Variants in DDHD2 observed in about 807,000 individuals in gnomAD.
DDHD2 encodes DDHD domain containing 2, also known as triacylglycerol hydrolase DDHD2.
DDHD2 carries 62 observed loss-of-function variants against 91.2 expected under a neutral mutation model. That is an observed-to-expected ratio of 0.68 (90% confidence interval 0.55 to 0.84). The LOEUF is 0.84. Among genes scored for constraint, DDHD2 ranks in the 40% least tolerant of loss-of-function variants. The probability of loss-of-function intolerance (pLI) is 0.00; values close to 1 mark genes in which losing one functional copy is unlikely to be tolerated. For missense variants in DDHD2, 740 were observed against 846.9 expected, an observed-to-expected ratio of 0.87 and a Z score of 1.57; for synonymous variants, 271 against 293.9, an observed-to-expected ratio of 0.92 and a Z score of 0.80.
intron 10 of DDHD2, 57 bp downstream of exon 10, chr8:38,247,892 G>A (rs1805770658): frequency 6.5e-6 from 9 of 1,379,354 alleles, no homozygotes; most frequent in East Asian, 2.5e-5. Flanking sequence ...TTTGTTTATC[G>A]TGTTTACTAA....
chr8:38,241,329 A>G (rs1484706547), intron 6 of DDHD2, among the ~76,000 whole-genome samples: 1 of 151,864 alleles, frequency 6.6e-6, no homozygotes, highest in Non-Finnish European at 1.5e-5. Flanking sequence ...TTGTCATGTG[A>G]TTAAAAAAAA....
At chr8:38,248,516 T>A (rs1805833559) in intron 10 of DDHD2, among the ~76,000 whole-genome samples, 1 of 152,044 alleles carries the variant, frequency 6.6e-6, no homozygotes, top group Non-Finnish European at 1.5e-5. Context: ...CCTCATAGTG[T>A]TTATAGTTTA....
intron 1 of DDHD2, chr8:38,268,829 C>T: frequency 6.8e-7 from 1 of 1,475,208 alleles, no homozygotes; most frequent in Non-Finnish European, 9.0e-7. Context: ...GCACAGGTGC[C>T]CGCGGGAAGC....
intron 1 of DDHD2, among the ~76,000 whole-genome samples, chr8:38,232,607 C>T (rs1438491242): frequency 6.6e-6 from 1 of 152,248 alleles, no homozygotes; most frequent in Non-Finnish European, 1.5e-5. Flanking sequence ...GGGCATGACC[C>T]AGCTGACTTG....
intron 17 of DDHD2, 113 bp downstream of exon 17, chr8:38,260,260 A>G: frequency 1.8e-6 from 1 of 557,264 alleles, no homozygotes; most frequent in Non-Finnish European, 3.1e-6. Context: ...TGTCACCAAG[A>G]TCTAGGCTGC....
chr8:38,263,446 G>T, downstream of DDHD2: 3 of 985,386 alleles, frequency 3.0e-6, no homozygotes, highest in Non-Finnish European at 3.6e-6. Flanking sequence ...CACAAGTACA[G>T]TTATGGTCAA....
At chr8:38,267,405 GC>G, downstream of DDHD2, 1 of 1,610,976 alleles carries the variant, frequency 6.2e-7, no homozygotes, top group African/African-American at 1.3e-5. Flanking sequence ...GAAGAAAGCA[GC>G]ATGGTTGGAA....
At chr8:38,240,502 T>C in intron 6 of DDHD2, 138 bp downstream of exon 6, 1 of 515,410 alleles carries the variant, frequency 1.9e-6, no homozygotes, top group Non-Finnish European at 3.4e-6. Context: ...GTAAAGCTTC[T>C]CAGCTTAGAC....
At chr8:38,266,343 C>T (rs1320719126), downstream of DDHD2, 2 of 1,588,628 alleles carry the variant, frequency 1.3e-6, no homozygotes, top group Admixed American at 1.8e-5. Flanking sequence ...AGTGGTTTGT[C>T]TTTTAAAGGA....
downstream of DDHD2, chr8:38,267,011 A>G: frequency 7.3e-7 from 1 of 1,373,456 alleles, no homozygotes; most frequent in Non-Finnish European, 9.4e-7. Flanking sequence ...TTGCTAGTAC[A>G]AGATTGCAGG....
chr8:38,234,234 A>G (rs1031752690), intron 2 of DDHD2, among the ~76,000 whole-genome samples, 160 bp from the exon 3 acceptor site: 1 of 152,222 alleles, frequency 6.6e-6, no homozygotes, highest in Non-Finnish European at 1.5e-5. Context: ...GTAGGTAGTG[A>G]AAAAGATATG....
intron 17 of DDHD2, 58 bp from the exon 18 acceptor site, chr8:38,260,542 A>G (rs750481307): frequency 6.5e-6 from 1 of 154,914 alleles, no homozygotes; most frequent in Non-Finnish European, 1.4e-5. Flanking sequence ...CGACTCTGGC[A>G]TTCTCTGTGG....
At chr8:38,269,138 A>C in intron 1 of DDHD2, 1 of 1,519,854 alleles carries the variant, frequency 6.6e-7, no homozygotes, top group South Asian at 1.2e-5. Flanking sequence ...GAAGGCCGCG[A>C]ACAGCGCGAG....
At chr8:38,243,881 C>T (rs536272971) in intron 7 of DDHD2, among the ~76,000 whole-genome samples, 8 of 150,632 alleles carry the variant, frequency 5.3e-5, no homozygotes, top group African/African-American at 1.2e-4. Context: ...CTCAGCTCAC[C>T]GCAACCTCCG....
Position 38,261,813 on chromosome 8 carries a change from T to A in DDHD2, c.*1240T>A, listed in dbSNP as rs1585782748. On this transcript the variant is annotated 3_prime_UTR_variant, in exon 18 of 18. Transcript: ENST00000397166. The stretch of plus-strand genomic sequence containing the variant: ...GATTTTTCTTCTTCATTGGTCAGTT[T>A]GTCATTGTCTTTGTAGTTCTCTTTA... 1 of 152,228 alleles carries A rather than the reference T, an allele frequency of 6.6e-6. No homozygotes were observed. Among genetic ancestry groups the A allele is most frequent in the Non-Finnish European group, 1.5e-5 (1 of 68,034 alleles). 9.4% of individuals were successfully genotyped at this position (152,228 alleles called of 1,614,324 possible). A position where few individuals can be genotyped will look rare whatever the true frequency, so the allele number is the denominator to read the frequency against.
At chr8:38,267,750 G>C (rs1807878233), downstream of DDHD2, 1 of 830,092 alleles carries the variant, frequency 1.2e-6, no homozygotes, top group South Asian at 1.7e-5. Flanking sequence ...ATGGGGAAGG[G>C]AGTAAGCGTT....
chr8:38,239,062 T>C (rs1805034576), intron 5 of DDHD2: 1 of 152,166 alleles, frequency 6.6e-6, no homozygotes, highest in South Asian at 2.1e-4. Context: ...ACATTTCTAG[T>C]TATTTAGAAA....
intron 11 of DDHD2, chr8:38,251,684 G>C: frequency 8.3e-6 from 3 of 360,390 alleles, no homozygotes; most frequent in East Asian, 4.4e-5. Flanking sequence ...TTTCCCAAGG[G>C]TCCTTTCAAA....
At chr8:38,254,321 G>A (rs546442571) in intron 16 of DDHD2, among the ~76,000 whole-genome samples, 19 of 152,206 alleles carry the variant, frequency 1.2e-4, no homozygotes, top group African/African-American at 3.6e-4. Context: ...ACTGTTGCTG[G>A]AAGTCTTATA....
Sources: gnomAD v4.1 joint callset for allele counts (sites outside exome capture counted in the v4.1 genomes callset) on GRCh38, gnomAD v4.1.1 for gene constraint, MANE v1.5 for transcripts, NCBI Gene and HGNC (gene_info 2026-07-23, HGNC 2026-07-21) for gene names.